Variants in DLG2 observed in about 807,000 individuals in gnomAD.
DLG2 encodes discs large MAGUK scaffold protein 2, also known as disks large homolog 2.
In DLG2, 45 loss-of-function variants were observed where a neutral mutation model predicts 132.5. That is an observed-to-expected ratio of 0.34 (90% CI 0.27 to 0.44). The LOEUF is 0.44. Among genes scored for constraint, DLG2 ranks in the 20% least tolerant of loss-of-function variants. The probability of loss-of-function intolerance (pLI) is 1.00; values close to 1 mark genes in which losing one functional copy is unlikely to be tolerated. For missense variants in DLG2, 1,045 were observed against 1,196.9 expected (o/e 0.87, Z 1.87); for synonymous variants, 424 against 419.6 (o/e 1.01, Z -0.13).
chr11:84,405,697 T>C (rs1450665792), intron 7 of DLG2, among the ~76,000 whole-genome samples: 1 of 151,958 alleles, frequency 6.6e-6, no homozygotes, highest in Non-Finnish European at 1.5e-5. Context: ...TGTGAAATAA[T>C]AGAGACTAGA....
Position 85,201,829 on chromosome 11 carries a change from G to C in DLG2, c.187-47178C>G, listed in dbSNP as rs989872907. ...AATTCAAAACAACTACTTCAAGGAA[G>C]CTCAATGAACTTCAAAGAATACAGA... On this transcript the variant is annotated intron_variant, in intron 4 of 27. Transcript: ENST00000376104. Among the ~76,000 whole-genome samples the C allele has an allele frequency of 2.7e-5, 4 of 150,238 alleles. No individual in the cohort carries two copies. The South Asian group carries it at 8.5e-4, about 32-fold the overall frequency.
chr11:84,050,798 T>G (rs2096358254), intron 11 of DLG2, among the ~76,000 whole-genome samples: 1 of 151,994 alleles, frequency 6.6e-6, no homozygotes, highest in Non-Finnish European at 1.5e-5. Context: ...TTCTTGTTTT[T>G]GTCAGGTTTG....
chr11:84,047,770 G>GT (rs1393726418), intron 11 of DLG2, among the ~76,000 whole-genome samples: 2 of 151,550 alleles, frequency 1.3e-5, no homozygotes, highest in Non-Finnish European at 3.0e-5. Flanking sequence ...AAAAGAAACA[G>GT]TGGTCATGTT....
Position 85,566,978 on chromosome 11 carries a change from C to A in DLG2, c.40+31679G>T, listed in dbSNP as rs890091339. 4.6e-5 allele frequency among the ~76,000 whole-genome samples: 7 copies of A among 152,266 alleles called. No homozygotes were observed. The East Asian group carries it at 1.3e-3, about 29-fold the overall frequency. On this transcript the variant is annotated intron_variant, in intron 3 of 27. Transcript: ENST00000376104. The stretch of plus-strand genomic sequence containing the variant: ...GGCATTGTTGTTGAAAATCAGGTGA[C>A]CACACATGTATGGTTTTATTTCTGG...
At chr11:84,404,174 T>C (rs2098840503) in intron 7 of DLG2, among the ~76,000 whole-genome samples, 1 of 152,144 alleles carries the variant, frequency 6.6e-6, no homozygotes, top group Non-Finnish European at 1.5e-5. Flanking sequence ...CTACATGATA[T>C]ATCTTGGTAT....
intron 3 of DLG2, among the ~76,000 whole-genome samples, chr11:85,401,158 T>A (rs938361911): frequency 6.6e-6 from 1 of 152,068 alleles, no homozygotes; most frequent in African/African-American, 2.4e-5. Flanking sequence ...GTGGGCTTCA[T>A]CCCTGGGATG....
At chr11:85,384,560 T>G (rs1033975932) in intron 3 of DLG2, among the ~76,000 whole-genome samples, 3 of 152,114 alleles carry the variant, frequency 2.0e-5, no homozygotes, top group Non-Finnish European at 4.4e-5. Flanking sequence ...TAAATATTTT[T>G]TGTTTGTTTT....
intron 17 of DLG2, among the ~76,000 whole-genome samples, chr11:83,827,875 T>A (rs1314933400): frequency 1.3e-5 from 2 of 152,160 alleles, no homozygotes; most frequent in Non-Finnish European, 2.9e-5. Flanking sequence ...CATGAATACA[T>A]CAAGAATATG....
At chr11:83,721,370 C>T (rs1424730662) in intron 18 of DLG2, among the ~76,000 whole-genome samples, 1 of 152,188 alleles carries the variant, frequency 6.6e-6, no homozygotes, top group Non-Finnish European at 1.5e-5. Context: ...CAAACTTTAG[C>T]TACCACAATA....
At chr11:85,503,383 C>T (rs562629050) in intron 3 of DLG2, among the ~76,000 whole-genome samples, 2 of 152,046 alleles carry the variant, frequency 1.3e-5, no homozygotes, top group Admixed American at 6.6e-5. Context: ...ATTCTCTTTC[C>T]TTTTCCATTG....
intron 6 of DLG2, among the ~76,000 whole-genome samples, chr11:84,731,000 A>C (rs2063086612): frequency 6.6e-6 from 1 of 152,070 alleles, no homozygotes. Flanking sequence ...CCAAATTTTA[A>C]GTACAGCCCA....
intron 4 of DLG2, among the ~76,000 whole-genome samples, chr11:85,226,814 C>T (rs2075006229): frequency 6.6e-6 from 1 of 152,128 alleles, no homozygotes; most frequent in Admixed American, 6.6e-5. Context: ...CTTGCTTGTA[C>T]CCTATCCCTG....
At chr11:84,101,078 T>C (rs2092478204) in intron 9 of DLG2, among the ~76,000 whole-genome samples, 1 of 152,140 alleles carries the variant, frequency 6.6e-6, no homozygotes. Flanking sequence ...TTATTTAATA[T>C]TTATTAAACA....
intron 18 of DLG2, among the ~76,000 whole-genome samples, chr11:83,746,056 T>C (rs1009801061): frequency 6.6e-6 from 1 of 152,104 alleles, no homozygotes; most frequent in Non-Finnish European, 1.5e-5. Context: ...AGGATGGCCA[T>C]CATTAAAAAG....
At chr11:85,307,630 T>C (rs140285834) in intron 3 of DLG2, among the ~76,000 whole-genome samples, 3 of 152,282 alleles carry the variant, frequency 2.0e-5, no homozygotes, top group Non-Finnish European at 2.9e-5. Context: ...TAGTATAAAA[T>C]AATTCCCAAC....
chr11:83,592,955 C>T (rs1299330621), intron 19 of DLG2, among the ~76,000 whole-genome samples: 2 of 147,896 alleles, frequency 1.4e-5, no homozygotes, highest in African/African-American at 5.0e-5. Context: ...TACCACCTCA[C>T]ACCAGTTAGA....
At chr11:84,355,807 G>C (rs1015216228) in intron 7 of DLG2, among the ~76,000 whole-genome samples, 1 of 152,062 alleles carries the variant, frequency 6.6e-6, no homozygotes, top group African/African-American at 2.4e-5. Flanking sequence ...AGATTAGAAG[G>C]GTTAGTGTAT....
At chr11:83,507,761 TATATA>T (rs2094796152) in intron 21 of DLG2, among the ~76,000 whole-genome samples, 23 of 12,940 alleles carry the variant, frequency 1.8e-3, no homozygotes, top group African/African-American at 5.1e-3. Context: ...ATTTTTATTA[TATATA>T]TATATATATA....
intron 17 of DLG2, among the ~76,000 whole-genome samples, chr11:83,810,552 G>C (rs1229512019): frequency 6.6e-6 from 1 of 151,960 alleles, no homozygotes; most frequent in African/African-American, 2.4e-5. Flanking sequence ...TTGTACTTTA[G>C]TTCCTTTGTT....
Sources: gnomAD v4.1 joint callset for allele counts (sites outside exome capture counted in the v4.1 genomes callset) on GRCh38, gnomAD v4.1.1 for gene constraint, MANE v1.5 for transcripts, NCBI Gene and HGNC (gene_info 2026-07-23, HGNC 2026-07-21) for gene names.